AGBL1: variants seen among roughly 807,000 people sequenced by gnomAD.
AGBL1 encodes cytosolic carboxypeptidase 4.
In AGBL1, 130 loss-of-function variants were observed where a neutral mutation model predicts 118.9. The observed-to-expected ratio is 1.09, with a 90% confidence interval of 0.95 to 1.26. The LOEUF is 1.26. AGBL1 is among the 50% of genes most tolerant of loss of function. The pLI is 0.00. For synonymous variants in AGBL1, 555 were observed against 478.9 expected, an observed-to-expected ratio of 1.16 and a Z score of -2.08; for missense variants, 1,584 against 1,298.1, an observed-to-expected ratio of 1.22 and a Z score of -3.38.
chr15:86,243,322 G>A (rs921095224), intron 6 of AGBL1, among the ~76,000 whole-genome samples: 2 of 152,190 alleles, frequency 1.3e-5, no homozygotes, highest in Non-Finnish European at 2.9e-5. Context: ...AATGGGATCT[G>A]CACTAAAGAG....
intron 22 of AGBL1, among the ~76,000 whole-genome samples, chr15:86,879,397 A>C (rs912430066): frequency 6.6e-6 from 1 of 152,066 alleles, no homozygotes; most frequent in African/African-American, 2.4e-5. Flanking sequence ...TTACCTGCTG[A>C]GTGTGCATCT....
intron 22 of AGBL1, among the ~76,000 whole-genome samples, chr15:86,901,946 T>C (rs1050029866): frequency 1.3e-5 from 2 of 152,166 alleles, no homozygotes; most frequent in Non-Finnish European, 2.9e-5. Context: ...TTAATAATAA[T>C]ACATTTATTC....
intron 1 of AGBL1, among the ~76,000 whole-genome samples, chr15:86,100,922 C>G (rs1896676975): frequency 6.6e-6 from 1 of 151,986 alleles, no homozygotes; most frequent in African/African-American, 2.4e-5. Flanking sequence ...TGGGTTCGTT[C>G]TGCTCTTGCT....
At chr15:86,128,455 A>G (rs1418619427) in intron 1 of AGBL1, among the ~76,000 whole-genome samples, 2 of 152,154 alleles carry the variant, frequency 1.3e-5, no homozygotes, top group African/African-American at 4.8e-5. Flanking sequence ...TGTCATGGTA[A>G]AACTTGGAAT....
chr15:86,691,398 G>T (rs2086168648), intron 22 of AGBL1, among the ~76,000 whole-genome samples: 1 of 152,084 alleles, frequency 6.6e-6, no homozygotes, highest in African/African-American at 2.4e-5. Context: ...TACTGAATTA[G>T]TGAATCATTT....
intron 1 of AGBL1, among the ~76,000 whole-genome samples, chr15:86,139,062 A>G (rs1007093533): frequency 6.6e-6 from 1 of 152,142 alleles, no homozygotes; most frequent in African/African-American, 2.4e-5. Context: ...CGTATATATC[A>G]CAGTTGCTGG....
At chr15:86,982,406 G>GTT (rs142256504) in intron 23 of AGBL1, among the ~76,000 whole-genome samples, 8,024 of 141,146 alleles carry the variant, frequency 0.057, 703 homozygotes, top group African/African-American at 0.19. Flanking sequence ...CTTTTATCTT[G>GTT]TTTTTTTTTT....
In AGBL1 at chr15:86,596,416, C is replaced by G. The variant is rs1197651143; in HGVS notation, c.2994+41879C>G. On this transcript the variant is annotated intron_variant, in intron 21 of 22. Transcript: ENST00000614907. ...TCTTATGTATATATAGGTTAAATAA[C>G]TTTGTGTGCCTTTTCTCCTATTAAT... Among the ~76,000 whole-genome samples, 3 of 152,122 alleles carry G rather than the reference C, an allele frequency of 2.0e-5. No individual in the cohort carries two copies. In the East Asian group the frequency reaches 5.8e-4, roughly 29 times the overall value.
chr15:86,868,942 C>T (rs1274682476), intron 22 of AGBL1, among the ~76,000 whole-genome samples: 2 of 152,260 alleles, frequency 1.3e-5, no homozygotes, highest in Non-Finnish European at 1.5e-5. Flanking sequence ...GAAAGTGGCA[C>T]GTCCACCTTG....
intron 6 of AGBL1, among the ~76,000 whole-genome samples, chr15:86,228,209 G>A (rs927748052): frequency 1.3e-5 from 2 of 152,088 alleles, no homozygotes; most frequent in Admixed American, 6.6e-5. Flanking sequence ...AATATCTTTC[G>A]ACTTGGACCC....
intron 22 of AGBL1, among the ~76,000 whole-genome samples, chr15:86,680,480 C>G (rs2085932137): frequency 6.6e-6 from 1 of 151,254 alleles, no homozygotes; most frequent in East Asian, 1.9e-4. Flanking sequence ...GGTATGTAAT[C>G]TTATGGTAGC....
chr15:86,558,591 T>C (rs1318367591), intron 21 of AGBL1, among the ~76,000 whole-genome samples: 5 of 152,210 alleles, frequency 3.3e-5, no homozygotes, highest in South Asian at 2.1e-4. Context: ...TTTCCTGCTG[T>C]AAACAACTTA....
At chr15:86,741,570 C>G (rs934915301) in intron 22 of AGBL1, among the ~76,000 whole-genome samples, 2 of 151,836 alleles carry the variant, frequency 1.3e-5, no homozygotes, top group African/African-American at 2.4e-5. Context: ...TATAAGACAT[C>G]ATAGTTCTGC....
chr15:86,805,898 C>A (rs1223618646), intron 22 of AGBL1, among the ~76,000 whole-genome samples: 1 of 152,070 alleles, frequency 6.6e-6, no homozygotes, highest in Non-Finnish European at 1.5e-5. Context: ...GCAGGGAAAA[C>A]CAAAACAGTC....
intron 21 of AGBL1, among the ~76,000 whole-genome samples, chr15:86,665,483 A>G (rs989845661): frequency 6.6e-6 from 1 of 152,092 alleles, no homozygotes; most frequent in East Asian, 1.9e-4. Flanking sequence ...TTTTATTGTT[A>G]TATTAATTTG....
rs752363508 is a variant in AGBL1 at position 86,913,407 on chromosome 15, A to G, written c.*6113A>G. The G allele has an allele frequency of 1.3e-5, 2 of 152,234 alleles. No individual in the cohort carries two copies. The highest frequency in any genetic ancestry group is 2.9e-5 in the Non-Finnish European group (2 of 68,060). 9.4% of individuals were successfully genotyped at this position (152,234 alleles called of 1,614,324 possible). A position where few individuals can be genotyped will look rare whatever the true frequency, so the allele number is the denominator to read the frequency against. On this transcript the variant is annotated 3_prime_UTR_variant, in exon 23 of 23. Transcript: ENST00000614907. ...CTCATCTCTCATTAGCATGTGACAT[A>G]AACTGTACTTGAAGTGTGTATATAT...
chr15:86,663,967 G>C (rs950482349), intron 21 of AGBL1, among the ~76,000 whole-genome samples: 3 of 152,112 alleles, frequency 2.0e-5, no homozygotes, highest in Non-Finnish European at 4.4e-5. Context: ...TAATCACAGA[G>C]GGTTTTGCTG....
chr15:86,986,987 G>A (rs1247391927), intron 23 of AGBL1, among the ~76,000 whole-genome samples: 11 of 152,054 alleles, frequency 7.2e-5, no homozygotes, highest in African/African-American at 2.4e-5. Context: ...TTGTTCTCAG[G>A]CGGGCAGGAG....
At chr15:86,505,588 A>G (rs1312454144) in intron 18 of AGBL1, among the ~76,000 whole-genome samples, 1 of 151,910 alleles carries the variant, frequency 6.6e-6, no homozygotes, top group Non-Finnish European at 1.5e-5. Context: ...GTACTTTTGA[A>G]TTCCAGAAAT....
Sources: allele counts gnomAD v4.1 joint callset (sites outside exome capture counted in the v4.1 genomes callset), GRCh38; gene constraint gnomAD v4.1.1; transcripts MANE v1.5; gene names NCBI Gene and HGNC (gene_info 2026-07-23, HGNC 2026-07-21).